SLC15A4: variants seen among roughly 807,000 people sequenced by gnomAD.
The protein encoded by SLC15A4 is hPHT1.
Under a neutral mutation model 46.1 loss-of-function variants are expected in SLC15A4, and 26 were observed. The observed-to-expected ratio is 0.56, with a 90% CI of 0.41 to 0.78. The LOEUF is 0.78. Ranked by LOEUF, SLC15A4 falls within the 30% of genes least tolerant of loss-of-function variation. SLC15A4 has a pLI of 0.00. For missense variants in SLC15A4, 751 were observed against 755.7 expected (o/e 0.99, Z 0.07); for synonymous variants, 370 against 333.4 (o/e 1.11, Z -1.20).
chr12:128,800,230 A>G (rs142160290), intron 6 of SLC15A4, among the ~76,000 whole-genome samples: 76 of 152,326 alleles, frequency 5.0e-4, no homozygotes, highest in Middle Eastern at 3.4e-3. Flanking sequence ...TATTCTAAAT[A>G]GAAGTCCATT....
chr12:128,820,163 T>C (rs1384392578), intron 1 of SLC15A4, among the ~76,000 whole-genome samples: 2 of 152,186 alleles, frequency 1.3e-5, no homozygotes, highest in Admixed American at 1.3e-4. Context: ...CATGAGCCAA[T>C]GGCACCCCAA....
At chr12:128,812,125 A>G (rs1163151448) in intron 2 of SLC15A4, among the ~76,000 whole-genome samples, 1 of 152,224 alleles carries the variant, frequency 6.6e-6, no homozygotes, top group Non-Finnish European at 1.5e-5. Flanking sequence ...CTGTAGAACC[A>G]TTTCTACTCT....
At chr12:128,799,167 T>A (rs1955484152) in intron 7 of SLC15A4, 92 bp downstream of exon 7, 1 of 1,479,840 alleles carries the variant, frequency 6.8e-7, no homozygotes, top group Non-Finnish European at 9.2e-7. Flanking sequence ...GCCATCCACG[T>A]GAAAACACCT....
At chr12:128,795,053 T>C (rs1955428975) in intron 7 of SLC15A4, among the ~76,000 whole-genome samples, 1 of 152,152 alleles carries the variant, frequency 6.6e-6, no homozygotes, top group Non-Finnish European at 1.5e-5. Flanking sequence ...AGCGCCTGAC[T>C]ATCTCTTTAT....
chr12:128,811,342 T>G (rs911566712), intron 2 of SLC15A4, among the ~76,000 whole-genome samples: 3 of 152,370 alleles, frequency 2.0e-5, no homozygotes, highest in Admixed American at 6.5e-5. Context: ...ATTCTTTATC[T>G]TATAAAGTCA....
chr12:128,823,863 A>AGCC lies in SLC15A4; in HGVS notation c.78_80dup (p.Ala27dup), dbSNP rs1460628801. 5.6e-6 allele frequency: 6 copies of AGCC among 1,077,568 alleles called. No homozygotes were observed. Among genetic ancestry groups the AGCC allele is most frequent in the Admixed American group, 1.1e-4 (2 of 18,500 alleles). The allele number at this position is 1,077,568 out of a possible 1,614,324, so 66.8% of individuals were successfully genotyped here. Reference sequence around the variant, plus strand: ...CCGCGCGCCGGCCCGCGAACGCCCCAGCCGCCGCCGCGGCCGCCGCCGCCC... The same window carrying AGCC: ...CCGCGCGCCGGCCCGCGAACGCCCCAGCCGCCGCCGCCGCGGCCGCCGCCGCCC... On this transcript the variant is annotated inframe_insertion, in exon 1 of 8. Coordinates refer to ENST00000266771, the MANE Select transcript of SLC15A4 (RefSeq NM_145648.4).
At chr12:128,812,389 G>A (rs868067665) in intron 2 of SLC15A4, among the ~76,000 whole-genome samples, 1 of 151,904 alleles carries the variant, frequency 6.6e-6, no homozygotes, top group East Asian at 1.9e-4. Flanking sequence ...GTGTGATCGC[G>A]GCTCACTGCA....
At chr12:128,796,722 C>T (rs569655606) in intron 7 of SLC15A4, among the ~76,000 whole-genome samples, 3 of 152,338 alleles carry the variant, frequency 2.0e-5, no homozygotes, top group African/African-American at 4.8e-5. Flanking sequence ...ACTGCTGTCC[C>T]AACACTGGCA....
intron 7 of SLC15A4, among the ~76,000 whole-genome samples, chr12:128,798,585 A>G (rs1566044604): frequency 6.6e-6 from 1 of 152,220 alleles, no homozygotes; most frequent in Non-Finnish European, 1.5e-5. Context: ...TATACAAGAA[A>G]AAGTAACAAG....
At chr12:128,795,273 G>A (rs924593284) in intron 7 of SLC15A4, among the ~76,000 whole-genome samples, 26 of 152,138 alleles carry the variant, frequency 1.7e-4, no homozygotes, top group African/African-American at 6.3e-4. Flanking sequence ...AACATGTTCA[G>A]GTTTTAGCAT....
At position 128,823,511 on chromosome 12, in the gene SLC15A4, C is replaced by G. The variant is rs1251825291; in HGVS notation, c.433G>C (p.Gly145Arg). The G allele has an allele frequency of 3.4e-6, 5 of 1,483,834 alleles. No homozygotes were observed. Among genetic ancestry groups the G allele is most frequent in the Non-Finnish European group, 4.4e-6 (5 of 1,124,244 alleles). 91.9% of individuals were successfully genotyped at this position (1,483,834 alleles called of 1,614,324 possible). A position where few individuals can be genotyped will look rare whatever the true frequency, so the allele number is the denominator to read the frequency against. The change falls in exon 1 of 8, where the codon GGT becomes CGT. Residue 145 changes from glycine to arginine, a missense_variant. Coordinates refer to ENST00000266771, the MANE Select transcript of SLC15A4 (RefSeq NM_145648.4). The part of the protein sequence containing the change: ...SARLLNCTAP[G>R]PDAAARCCSP... ...CAGCAGCGGGCGGCGGCGTCGGGAC[C>G]AGGCGCCGTGCAGTTGAGCAGGCGC...
At chr12:128,821,805 G>C (rs1185115173) in intron 1 of SLC15A4, among the ~76,000 whole-genome samples, 2 of 150,616 alleles carry the variant, frequency 1.3e-5, no homozygotes, top group Non-Finnish European at 2.9e-5. Context: ...AGAATCGCTT[G>C]AACTCAGGAG....
At chr12:128,798,381 C>T (rs1206462558) in intron 7 of SLC15A4, among the ~76,000 whole-genome samples, 8 of 152,204 alleles carry the variant, frequency 5.3e-5, no homozygotes, top group Admixed American at 5.2e-4. Context: ...ACATCAGTGA[C>T]AAGTGTCCAT....
At chr12:128,798,984 C>T (rs761149913) in intron 7 of SLC15A4, among the ~76,000 whole-genome samples, 8 of 152,174 alleles carry the variant, frequency 5.3e-5, no homozygotes, top group Non-Finnish European at 7.4e-5. Context: ...CCGTAAGGAG[C>T]GGTGGCTGCA....
At chr12:128,795,156 T>C (rs576575447) in intron 7 of SLC15A4, among the ~76,000 whole-genome samples, 88 of 152,182 alleles carry the variant, frequency 5.8e-4, no homozygotes, top group African/African-American at 2.1e-3. Context: ...CTGAACATCG[T>C]GAATTCTGGA....
intron 5 of SLC15A4, among the ~76,000 whole-genome samples, chr12:128,803,101 G>C: frequency 7.2e-6 from 1 of 138,066 alleles, no homozygotes; most frequent in East Asian, 2.2e-4. Context: ...ATGCGACGCT[G>C]GATAATCAAC....
At chr12:128,801,991 C>T (rs1955523404) in intron 5 of SLC15A4, among the ~76,000 whole-genome samples, 1 of 152,148 alleles carries the variant, frequency 6.6e-6, no homozygotes, top group Admixed American at 6.5e-5. Flanking sequence ...CAAATCTCAA[C>T]TGAAATGCCA....
chr12:128,820,694 C>T (rs544099868), intron 1 of SLC15A4, among the ~76,000 whole-genome samples: 3 of 152,330 alleles, frequency 2.0e-5, no homozygotes, highest in South Asian at 2.1e-4. Context: ...ATGTAGCATA[C>T]GTGTCATGTG....
chr12:128,819,740 G>T (rs1370567357), intron 1 of SLC15A4: 2 of 152,222 alleles, frequency 1.3e-5, no homozygotes, highest in African/African-American at 4.8e-5. Context: ...GCTATCTTTC[G>T]GAAGAAGGCA....
Sources: gnomAD v4.1 joint callset for allele counts (sites outside exome capture counted in the v4.1 genomes callset) on GRCh38, gnomAD v4.1.1 for gene constraint, MANE v1.5 for transcripts, NCBI Gene and HGNC (gene_info 2026-07-23, HGNC 2026-07-21) for gene names.